The following ZFHX3 variants were observed in gnomAD, a reference collection of about 807,000 sequenced individuals.
ZFHX3 encodes the protein zinc finger homeobox 3.
ZFHX3 carries 42 observed loss-of-function variants against 279.1 expected under a neutral mutation model. The ratio of observed to expected loss-of-function variants is 0.15; its 90% CI spans 0.12 to 0.19. The LOEUF is 0.19. Ranked by LOEUF, ZFHX3 falls within the 10% of genes least tolerant of loss-of-function variation. The pLI is 1.00. For missense variants in ZFHX3, 4,981 were observed against 4,754.0 expected, an observed-to-expected ratio of 1.05 and a Z score of -1.40; for synonymous variants, 2,293 against 1,957.8, an observed-to-expected ratio of 1.17 and a Z score of -4.52.
chr16:72,913,285 C>A (rs1277950217), intron 3 of ZFHX3, among the ~76,000 whole-genome samples: 1 of 152,226 alleles, frequency 6.6e-6, no homozygotes, highest in African/African-American at 2.4e-5. Context: ...CAAGGCCTTT[C>A]TCTGGTCCAG....
intron 2 of ZFHX3, among the ~76,000 whole-genome samples, chr16:73,611,195 G>A (rs2052242002): frequency 6.6e-6 from 1 of 152,248 alleles, no homozygotes; most frequent in East Asian, 1.9e-4. Context: ...AGCTTCCCGG[G>A]TTCTTCTCAG....
intron 1 of ZFHX3, among the ~76,000 whole-genome samples, chr16:73,851,861 C>T (rs1424050232): frequency 6.6e-6 from 1 of 152,008 alleles, no homozygotes; most frequent in African/African-American, 2.4e-5. Context: ...CATAATGGTC[C>T]CACCATTTGG....
At chr16:73,600,011 G>T (rs1206694120) in intron 2 of ZFHX3, among the ~76,000 whole-genome samples, 1 of 152,172 alleles carries the variant, frequency 6.6e-6, no homozygotes, top group Admixed American at 6.5e-5. Flanking sequence ...GGGTAAGTTT[G>T]GGAGGGCTGG....
intron 3 of ZFHX3, among the ~76,000 whole-genome samples, chr16:72,926,548 T>C (rs1959456938): frequency 6.6e-6 from 1 of 152,148 alleles, no homozygotes; most frequent in African/African-American, 2.4e-5. Context: ...TGAATTGGGG[T>C]TCCTTCTTCC....
intron 4 of ZFHX3, among the ~76,000 whole-genome samples, 192 bp downstream of exon 4, chr16:72,889,539 A>T (rs2038717928): frequency 6.6e-6 from 1 of 152,134 alleles, no homozygotes; most frequent in South Asian, 2.1e-4. Flanking sequence ...AAAGAAAAAA[A>T]GACAGAAAGG....
chr16:73,056,699 G>A (rs1175646589), intron 1 of ZFHX3, among the ~76,000 whole-genome samples: 1 of 152,192 alleles, frequency 6.6e-6, no homozygotes, highest in Non-Finnish European at 1.5e-5. Context: ...AGGCGCTGGA[G>A]CACCCACGCT....
At chr16:73,578,885 C>T (rs1458180302) in intron 2 of ZFHX3, among the ~76,000 whole-genome samples, 2 of 152,074 alleles carry the variant, frequency 1.3e-5, no homozygotes, top group African/African-American at 4.8e-5. Context: ...TTCTAAGGCC[C>T]CCAGTCATCT....
chr16:73,682,297 TA>T (rs2053018302), intron 1 of ZFHX3, among the ~76,000 whole-genome samples: 1 of 152,176 alleles, frequency 6.6e-6, no homozygotes, highest in South Asian at 2.1e-4. Flanking sequence ...CTATTAAAAT[TA>T]TATATATTTT....
intron 1 of ZFHX3, among the ~76,000 whole-genome samples, chr16:73,682,880 A>G (rs577403290): frequency 1.5e-4 from 4 of 27,170 alleles, no homozygotes; most frequent in Admixed American, 5.1e-4. Context: ...GAAAGAAAGA[A>G]AGAAAGAAAG....
chr16:73,803,927 A>C (rs1002663107), intron 1 of ZFHX3, among the ~76,000 whole-genome samples: 5 of 152,182 alleles, frequency 3.3e-5, no homozygotes, highest in African/African-American at 1.2e-4. Context: ...TGGGAAGCCA[A>C]GGCATGCAGA....
intron 3 of ZFHX3, among the ~76,000 whole-genome samples, chr16:72,927,336 C>T (rs148238025): frequency 2.0e-5 from 3 of 152,326 alleles, no homozygotes; most frequent in Non-Finnish European, 4.4e-5. Context: ...CAATACCCAT[C>T]GAGTCTTTCC....
At chr16:73,889,707 C>G (rs2030465958) in intron 1 of ZFHX3, among the ~76,000 whole-genome samples, 1 of 152,152 alleles carries the variant, frequency 6.6e-6, no homozygotes, top group Non-Finnish European at 1.5e-5. Flanking sequence ...GGTTAATTCT[C>G]ACACACAGGA....
At chr16:73,077,994 G>A (rs1327368084) in intron 8 of ZFHX3, among the ~76,000 whole-genome samples, 1 of 152,074 alleles carries the variant, frequency 6.6e-6, no homozygotes, top group African/African-American at 2.4e-5. Context: ...TAGTAGAGAT[G>A]GAGTTTCATC....
intron 3 of ZFHX3, among the ~76,000 whole-genome samples, chr16:73,384,260 G>A (rs2016862150): frequency 1.3e-5 from 2 of 152,222 alleles, no homozygotes; most frequent in African/African-American, 2.4e-5. Flanking sequence ...CTGTTTTTGA[G>A]CTGTTAACAG....
intron 2 of ZFHX3, among the ~76,000 whole-genome samples, chr16:73,580,398 T>C (rs1178153562): frequency 6.6e-6 from 1 of 151,712 alleles, no homozygotes; most frequent in Admixed American, 6.6e-5. Flanking sequence ...GAATCTCTTG[T>C]ACCCAGAAGG....
intron 2 of ZFHX3, among the ~76,000 whole-genome samples, chr16:73,633,713 A>C (rs2052499216): frequency 6.6e-6 from 1 of 152,184 alleles, no homozygotes; most frequent in South Asian, 2.1e-4. Context: ...AGGAACATGC[A>C]CCAAGGGCCT....
chr16:73,644,640 G>A (rs774404811), intron 2 of ZFHX3, among the ~76,000 whole-genome samples: 3 of 151,754 alleles, frequency 2.0e-5, no homozygotes, highest in South Asian at 2.1e-4. Context: ...CACCCTGGGC[G>A]ACAGAGCGAG....
At chr16:73,107,957 C>G (rs534757099) in intron 7 of ZFHX3, among the ~76,000 whole-genome samples, 1 of 152,040 alleles carries the variant, frequency 6.6e-6, no homozygotes, top group African/African-American at 2.4e-5. Flanking sequence ...GTCAGGAGAT[C>G]GAGACCATCT....
At chr16:72,934,403 G>A (rs1960003033) in intron 3 of ZFHX3, among the ~76,000 whole-genome samples, 2 of 152,166 alleles carry the variant, frequency 1.3e-5, no homozygotes, top group Admixed American at 1.3e-4. Context: ...ATTCCTGCCT[G>A]GGTGACAAGG....
Sources: allele counts gnomAD v4.1 joint callset (sites outside exome capture counted in the v4.1 genomes callset), GRCh38; gene constraint gnomAD v4.1.1; transcripts MANE v1.5; gene names NCBI Gene and HGNC (gene_info 2026-07-23, HGNC 2026-07-21).